The following PITPNM1 variants were observed in gnomAD, a reference collection of about 807,000 sequenced individuals.
The protein encoded by PITPNM1 is phosphatidylinositol transfer protein membrane associated 1, also known as membrane-associated phosphatidylinositol transfer protein 1.
A neutral mutation model predicts 133.3 loss-of-function variants in PITPNM1; 74 were observed. The ratio of observed to expected loss-of-function variants is 0.56; its 90% CI spans 0.46 to 0.67. PITPNM1 has a LOEUF of 0.67. Ranked by LOEUF, PITPNM1 falls within the 30% of genes least tolerant of loss-of-function variation. The pLI is 0.00. For synonymous variants in PITPNM1, 738 were observed against 741.4 expected, an observed-to-expected ratio of 1.00 and a Z score of 0.08; for missense variants, 1,398 against 1,739.5, an observed-to-expected ratio of 0.80 and a Z score of 3.49.
At chr11:67,497,044 G>A in intron 14 of PITPNM1, 187 bp downstream of exon 14, 1 of 508,966 alleles carries the variant, frequency 2.0e-6, no homozygotes. Context: ...CCTCCCAGTG[G>A]CTTTGGGAGA....
intron 18 of PITPNM1, 130 bp from the exon 19 acceptor site, chr11:67,494,490 G>T (rs1392658105): frequency 8.9e-6 from 6 of 676,962 alleles, no homozygotes; most frequent in Non-Finnish European, 1.5e-5. Flanking sequence ...TGAGGGAAAA[G>T]GGCAAGCCCG....
rs1189708312 is a variant in PITPNM1, at chr11:67,504,259, G to T, written c.-41-38C>A. 3 of 939,058 alleles carry T rather than the reference G, an allele frequency of 3.2e-6. No homozygotes were observed. The highest frequency in any genetic ancestry group is 4.3e-6 in the Non-Finnish European group (3 of 691,802). 58.2% of individuals were successfully genotyped at this position (939,058 alleles called of 1,614,324 possible). ...ACGGCGCGACAGTCAGTGCGGGGAGGCTGCGCGCGGCCCCGAGCCCTGCGC... is the reference window on the plus strand; with the variant it reads ...ACGGCGCGACAGTCAGTGCGGGGAGTCTGCGCGCGGCCCCGAGCCCTGCGC... On this transcript the variant is annotated intron_variant, in intron 1 of 23. Coordinates refer to ENST00000356404, the MANE Select transcript of PITPNM1 (RefSeq NM_004910.3). The surrounding 1 kb of genome is among the most constrained non-coding windows in gnomAD (Gnocchi z 5.4).
Position 67,495,426 on chromosome 11 carries a change from T to G in PITPNM1, c.2482+12A>C, listed in dbSNP as rs1483093982. On this transcript the variant is annotated intron_variant, in intron 16 of 23. Coordinates refer to ENST00000356404, the MANE Select transcript of PITPNM1 (RefSeq NM_004910.3). ...CACCCCCAGGCTGGACTGCCTAGGC[T>G]GGCTGACTTACTCTTAACCACCTCA... is the stretch of plus-strand genomic sequence containing the variant. 6.7e-7 allele frequency: 1 copy of G among 1,492,012 alleles called. No individual in the cohort carries two copies. The highest frequency in any genetic ancestry group is 9.0e-7 in the Non-Finnish European group (1 of 1,117,040). The allele number at this position is 1,492,012 out of a possible 1,614,324, so 92.4% of individuals were successfully genotyped here.
chr11:67,500,456 C>T (rs777234015), intron 5 of PITPNM1, 35 bp from the exon 6 acceptor site: 2 of 1,566,580 alleles, frequency 1.3e-6, no homozygotes, highest in South Asian at 1.1e-5. Flanking sequence ...TGCCCCCTCC[C>T]CCTGCTTCCC....
At chr11:67,493,346 G>A in intron 22 of PITPNM1, 64 bp downstream of exon 22, 6 of 1,444,038 alleles carry the variant, frequency 4.2e-6, no homozygotes, top group Non-Finnish European at 5.6e-6. Context: ...CGCCGATCCG[G>A]GGGTGGAGGG....
rs61749181 is a variant in PITPNM1, at chr11:67,492,106, G to A, written c.3662C>T (p.Pro1221Leu). Reference sequence around the variant, plus strand: ...TGCCAGGGTGGTGGGTGGTGTTCCCGGGCCCTCACGCTCCGCCTGGCTGGG... The same window carrying A: ...TGCCAGGGTGGTGGGTGGTGTTCCCAGGCCCTCACGCTCCGCCTGGCTGGG... ...RGPSQAEREG[P>L]GTPPTTLARG... The change falls in exon 24 of 24, where the codon CCG (proline) becomes CTG (leucine). Residue 1221 changes from proline (P) to leucine (L), a missense_variant. Physicochemically the swap from Pro to Leu is moderately conservative, Grantham distance 98 (BLOSUM62 -3). Transcript: ENST00000356404. 4,433 of 1,612,282 alleles carry A rather than the reference G, an allele frequency of 2.7e-3. 9 individuals carry two copies. Among genetic ancestry groups the A allele is most frequent in the Non-Finnish European group, 3.3e-3 (3,934 of 1,179,858 alleles).
chr11:67,498,216 C>T lies in PITPNM1; in HGVS notation c.1591G>A (p.Ala531Thr), dbSNP rs138386293. ...GTGCGGGCAATGACGGTGGCCACGG[C>T]GCCCTGGTAGCGGGAGGATGAGGTG... The part of the protein sequence containing the change: ...LATSSSRYQG[A>T]VATVIARTNQ... Residue 531 changes from alanine to threonine, a missense_variant, in exon 11 of 24, where the codon GCC becomes ACC. By Grantham distance (58) the Ala-to-Thr change is moderately conservative (BLOSUM62 0). Around this residue, in one of 5 missense-constraint regions of PITPNM1, gnomAD observed 574 missense variants for 698.7 expected, o/e 0.82. Transcript: ENST00000356404. This position sits in a 1 kb window ranked among gnomAD's most constrained non-coding sequence, Gnocchi z 5.7. The T allele has an allele frequency of 3.1e-4, 497 of 1,612,840 alleles. No homozygotes were observed. Among genetic ancestry groups the T allele is most frequent in the Non-Finnish European group, 2.8e-4 (328 of 1,179,786 alleles).
chr11:67,493,737 T>G lies in PITPNM1; in HGVS notation c.3109A>C (p.Ile1037Leu). 1.3e-6 allele frequency: 2 copies of G among 1,548,298 alleles called. No individual in the cohort carries two copies. Among genetic ancestry groups the G allele is most frequent in the Non-Finnish European group, 1.7e-6 (2 of 1,147,136 alleles). The change falls in exon 21 of 24, where the codon ATC (isoleucine) becomes CTC (leucine). Residue 1037 changes from isoleucine to leucine, a missense_variant. Physicochemically the swap from Ile to Leu is conservative, Grantham distance 5 (BLOSUM62 2). Around this residue, in one of 5 missense-constraint regions of PITPNM1, gnomAD observed 233 missense variants for 378.0 expected, o/e 0.62. Coordinates refer to ENST00000356404, the MANE Select transcript of PITPNM1 (RefSeq NM_004910.3). The stretch of plus-strand genomic sequence containing the variant: ...CGCACCTTGGGGTCGCTGCCCATGA[T>G]GGAGACGCTGGCGGTGAAGGAGCCG... ...IDGSFTASVS[I>L]MGSDPKVRAG...
At chr11:67,497,824 C>G in intron 12 of PITPNM1, 93 bp downstream of exon 12, 1 of 1,477,852 alleles carries the variant, frequency 6.8e-7, no homozygotes, top group Non-Finnish European at 9.3e-7. Context: ...GGGGGCCTGC[C>G]TGCTGGCAGA....
rs901970839 is a variant in PITPNM1 at position 67,505,004 on chromosome 11, C to T, written c.-42+184G>A. 2 of 152,486 alleles carry T rather than the reference C, an allele frequency of 1.3e-5. No homozygotes were observed. The highest frequency in any genetic ancestry group is 4.8e-5 in the African/African-American group (2 of 41,454). The allele number at this position is 152,486 out of a possible 1,614,324, so 9.4% of individuals were successfully genotyped here. A position where few individuals can be genotyped will look rare whatever the true frequency, so the allele number is the denominator to read the frequency against. ...ACTTGGTATCCCACGGGCCATGGCC[C>T]TGGAGACCCGCTCCGTCCACCTGCG... On this transcript the variant is annotated intron_variant, in intron 1 of 23. Transcript: ENST00000356404. This position sits in a 1 kb window ranked among gnomAD's most constrained non-coding sequence, Gnocchi z 5.8.
intron 12 of PITPNM1, 75 bp from the exon 13 acceptor site, chr11:67,497,754 C>G: frequency 6.3e-7 from 1 of 1,576,620 alleles, no homozygotes; most frequent in Non-Finnish European, 8.6e-7. Flanking sequence ...AAGTGAGGAG[C>G]GAGGCTTGGG....
chr11:67,497,550 T>A lies in PITPNM1; in HGVS notation c.1912A>T (p.Ser638Cys). The A allele has an allele frequency of 6.2e-7, 1 of 1,610,272 alleles. No homozygotes were observed. The highest frequency in any genetic ancestry group is 8.5e-7 in the Non-Finnish European group (1 of 1,179,052). Reference protein sequence around the residue: ...PPQRIPSDMASPEPEGSQNSL... With the variant: ...PPQRIPSDMACPEPEGSQNSL... The stretch of plus-strand genomic sequence containing the variant: ...TTCTGAGAGCCCTCGGGCTCAGGAC[T>A]GGCCATGTCGCTGGGGATGCGCTGG... Residue 638 changes from serine to cysteine, a missense_variant, in exon 13 of 24, where the codon AGT becomes TGT. This residue lies in a region of PITPNM1 where 574 missense variants were observed against 698.7 expected (regional missense o/e 0.82). Transcript: ENST00000356404.
rs1473036318 is a variant in PITPNM1, at chr11:67,494,418, G to A, written c.2743-58C>T. ...AGCAAAGGATGGGGATGCTTGGGGAGGGGGAGCGGGTGAGGATCCACACGC... is the reference window on the plus strand; with the variant it reads ...AGCAAAGGATGGGGATGCTTGGGGAAGGGGAGCGGGTGAGGATCCACACGC... On this transcript the variant is annotated intron_variant, in intron 18 of 23. Transcript: ENST00000356404. The A allele has an allele frequency of 1.0e-5, 13 of 1,256,096 alleles. No homozygotes were observed. In the East Asian group the frequency reaches 2.9e-4, roughly 28 times the overall value. 77.8% of individuals were successfully genotyped at this position (1,256,096 alleles called of 1,614,324 possible). A position where few individuals can be genotyped will look rare whatever the true frequency, so the allele number is the denominator to read the frequency against.
In PITPNM1 at chr11:67,494,319, G is replaced by A. The variant is rs369890087; in HGVS notation, c.2784C>T (p.Cys928=). ...CGCTTAGCACCTGGGGGCGGCCCTC[G>A]CACACCACCGTGTCGCTCGCCCGGT... ...SNHRASDTVV[C]EGRPQVLSGR... is the part of the protein sequence containing the mutation. The change falls in exon 19 of 24, where the codon TGC becomes TGT. Residue 928 remains cysteine (C), a synonymous_variant. Transcript: ENST00000356404. 4.5e-5 allele frequency: 72 copies of A among 1,611,394 alleles called. No individual in the cohort carries two copies. Among genetic ancestry groups the A allele is most frequent in the Non-Finnish European group, 5.9e-5 (70 of 1,179,362 alleles).
At position 67,498,303 on chromosome 11, in the gene PITPNM1, C is replaced by T. The variant is rs368212702; in HGVS notation, c.1504G>A (p.Asp502Asn). 7.1e-5 allele frequency: 113 copies of T among 1,588,080 alleles called. No individual in the cohort carries two copies. Among genetic ancestry groups the T allele is most frequent in the Admixed American group, 1.4e-4 (8 of 58,648 alleles). Residue 502 changes from aspartate to asparagine, a missense_variant, in exon 11 of 24, where the codon GAT becomes AAT. By Grantham distance (23) the Asp-to-Asn change is conservative. This residue lies in a region of PITPNM1 where 574 missense variants were observed against 698.7 expected (regional missense o/e 0.82). Transcript: ENST00000356404. This position sits in a 1 kb window ranked among gnomAD's most constrained non-coding sequence, Gnocchi z 5.7. ...TGGGAGCGAGACAGGCTGTCCCCATCGTGGCTGTAAGGGCTCAGGCTGTAG... is the reference window on the plus strand; with the variant it reads ...TGGGAGCGAGACAGGCTGTCCCCATTGTGGCTGTAAGGGCTCAGGCTGTAG... ...LVSNLSPYSH[D>N]GDSLSRSQDH...
In PITPNM1 at chr11:67,497,622, C is replaced by T. The variant is rs1230017332; in HGVS notation, c.1840G>A (p.Val614Met). ...GPVRDPLADGVEGLGRGSPEP... is the reference protein window; with the variant it reads ...GPVRDPLADGMEGLGRGSPEP... ...GGGCTGCCCCGACCCAGGCCTTCCA[C>T]ACCATCTGCCAGGGGGTCCCGCACT... The change falls in exon 13 of 24, where the codon GTG (valine) becomes ATG (methionine). Residue 614 changes from valine (V) to methionine (M), a missense_variant. Val to Met is a conservative substitution (Grantham distance 21). This residue lies in a region of PITPNM1 where 574 missense variants were observed against 698.7 expected (regional missense o/e 0.82). Coordinates refer to ENST00000356404, the MANE Select transcript of PITPNM1 (RefSeq NM_004910.3). 3.7e-6 allele frequency: 6 copies of T among 1,608,098 alleles called. No individual in the cohort carries two copies. Among genetic ancestry groups the T allele is most frequent in the African/African-American group, 1.3e-5 (1 of 74,584 alleles).
At position 67,493,064 on chromosome 11, in the gene PITPNM1, T is replaced by C. The variant is rs1865985234; in HGVS notation, c.3343-2A>G. On this transcript the variant is annotated splice_acceptor_variant, in intron 22 of 23. Transcript: ENST00000356404. LOFTEE classifies it high-confidence loss of function. ...ACCGGCCACGATGTTCAGTTCTACC[T>C]GTGGCGGGAGATGCCAATCAGCCGC... 1.9e-6 allele frequency: 3 copies of C among 1,612,742 alleles called. No individual in the cohort carries two copies. Among genetic ancestry groups the C allele is most frequent in the African/African-American group, 2.7e-5 (2 of 74,944 alleles).
In PITPNM1 at chr11:67,502,252, G is replaced by T; in HGVS notation, c.415+40C>A. On this transcript the variant is annotated intron_variant, in intron 4 of 23. Coordinates refer to ENST00000356404, the MANE Select transcript of PITPNM1 (RefSeq NM_004910.3). The surrounding 1 kb of genome is among the most constrained non-coding windows in gnomAD (Gnocchi z 5.9). ...TGCCCACTGAGGCAGCCAGGAGCCT[G>T]AGAGGGGCGCCAGGGTCCCCCCATA... 1 of 1,602,082 alleles carries T rather than the reference G, an allele frequency of 6.2e-7. No homozygotes were observed.
In PITPNM1 at chr11:67,496,203, C is replaced by T. The variant is rs750933665; in HGVS notation, c.2292G>A (p.Leu764=). The change falls in exon 15 of 24, where the codon CTG becomes CTA. Residue 764 remains leucine, a synonymous_variant. Transcript: ENST00000356404. ...LTVPRYQKFP[L]GDGSSLLLAD... is the part of the protein sequence containing the mutation. Reference sequence around the variant, plus strand: ...CCAGCAGCAGGGATGAGCCATCTCCCAGGGGGAACTTCTGGTAGCGGGGCA... The same window carrying T: ...CCAGCAGCAGGGATGAGCCATCTCCTAGGGGGAACTTCTGGTAGCGGGGCA... 2.6e-6 allele frequency: 4 copies of T among 1,544,362 alleles called. No individual in the cohort carries two copies. In the South Asian group the frequency reaches 3.7e-5, roughly 14 times the overall value.
Sources: allele counts gnomAD v4.1 joint callset, GRCh38; gene constraint gnomAD v4.1.1; regional missense constraint gnomAD v4.1.1; non-coding constraint Gnocchi (gnomAD v3.1); transcripts MANE v1.5; gene names NCBI Gene and HGNC (gene_info 2026-07-23, HGNC 2026-07-21).